Variants in MRTFB observed in about 807,000 individuals in gnomAD.
MRTFB encodes the protein myocardin related transcription factor B, also known as myocardin-related transcription factor B.
MRTFB carries 29 observed loss-of-function variants against 104.2 expected under a neutral mutation model. That is an observed-to-expected ratio of 0.28 (90% confidence interval 0.21 to 0.38). The LOEUF is 0.38. Among genes scored for constraint, MRTFB ranks in the 10% least tolerant of loss-of-function variants. MRTFB has a pLI of 1.00. For synonymous variants in MRTFB, 535 were observed against 519.5 expected, an observed-to-expected ratio of 1.03 and a Z score of -0.41; for missense variants, 1,270 against 1,341.6, an observed-to-expected ratio of 0.95 and a Z score of 0.83.
At chr16:14,058,126 A>C in the MRTFB span, among the ~76,000 whole-genome samples, 1 of 152,150 alleles carries the variant, frequency 6.6e-6, no homozygotes, top group African/African-American at 2.4e-5. Context: ...GCAGGCACCA[A>C]CTTCCTGGGG....
At chr16:14,242,280 G>T (rs1424663519) in intron 10 of MRTFB, among the ~76,000 whole-genome samples, 2 of 152,050 alleles carry the variant, frequency 1.3e-5, no homozygotes, top group African/African-American at 4.8e-5. Context: ...CCAGTTCTTT[G>T]TCTTTCCATT....
chr16:14,218,645 C>G (rs773646139), intron 7 of MRTFB, among the ~76,000 whole-genome samples, 175 bp from the exon 8 acceptor site: 2 of 152,072 alleles, frequency 1.3e-5, no homozygotes, highest in Non-Finnish European at 2.9e-5. Flanking sequence ...TTCTTTTTCA[C>G]TCAAGAATAC....
At position 14,255,210 on chromosome 16, in the gene MRTFB, G is replaced by C. The variant is rs371149236; in HGVS notation, c.2703+2708G>C. The stretch of plus-strand genomic sequence containing the variant: ...AGGTAGAAGAGAAGTCCCAGAAGAA[G>C]AGAGAAAGAACTGAAGAGGCAAATA... On this transcript the variant is annotated intron_variant, in intron 15 of 16. Coordinates refer to ENST00000571589, the MANE Select transcript of MRTFB (RefSeq NM_001308142.2). Among the ~76,000 whole-genome samples the C allele has an allele frequency of 7.9e-5, 12 of 152,308 alleles. No individual in the cohort carries two copies. The East Asian group carries it at 2.3e-3, about 29-fold the overall frequency.
intron 3 of MRTFB, among the ~76,000 whole-genome samples, chr16:14,199,537 C>T (rs143195034): frequency 2.0e-3 from 302 of 152,330 alleles, no homozygotes; most frequent in South Asian, 5.0e-3. Context: ...CATTCCTTAT[C>T]TCAGTAAATG....
chr16:14,111,133 C>T (rs2036246939), intron 2 of MRTFB, among the ~76,000 whole-genome samples: 1 of 152,060 alleles, frequency 6.6e-6, no homozygotes, highest in African/African-American at 2.4e-5. Flanking sequence ...ATACCTTAGC[C>T]TATAAATTTA....
intron 2 of MRTFB, among the ~76,000 whole-genome samples, chr16:14,099,369 GTT>G (rs1027224790): frequency 1.4e-5 from 2 of 144,172 alleles, no homozygotes; most frequent in Admixed American, 6.8e-5. Context: ...AATTACGTGG[GTT>G]TTTTTGGTGG....
At chr16:14,165,580 C>T (rs910910113) in intron 3 of MRTFB, among the ~76,000 whole-genome samples, 26 of 152,292 alleles carry the variant, frequency 1.7e-4, no homozygotes, top group African/African-American at 5.3e-4. Context: ...ACATTATTCT[C>T]TCTTGGGACT....
intron 1 of MRTFB, among the ~76,000 whole-genome samples, chr16:14,073,215 T>C (rs1307364708): frequency 1.3e-5 from 2 of 152,212 alleles, no homozygotes; most frequent in East Asian, 1.9e-4. Flanking sequence ...AATCTGCCCG[T>C]TCATTTGAAA....
chr16:14,246,870 A>G lies in MRTFB; in HGVS notation c.1610A>G (p.Gln537Arg), dbSNP rs917777686. 1.9e-6 allele frequency: 3 copies of G among 1,613,408 alleles called. No homozygotes were observed. Among genetic ancestry groups the G allele is most frequent in the South Asian group, 1.1e-5 (1 of 91,062 alleles). The change falls in exon 12 of 17, where the codon CAG (glutamine) becomes CGG (arginine). Residue 537 changes from glutamine (Q) to arginine (R), a missense_variant. Gln to Arg is a conservative substitution (Grantham distance 43). Coordinates refer to ENST00000571589, the MANE Select transcript of MRTFB (RefSeq NM_001308142.2). ...ATTATGACCATGATGTCGCCTTCAC[A>G]GTTCTTGAGTTCATCTCCTTTGAGA... Reference protein sequence around the residue: ...TEIMTMMSPSQFLSSSPLRMT... With the variant: ...TEIMTMMSPSRFLSSSPLRMT...
rs9930001 is a variant in MRTFB, at chr16:14,091,675, G to T, written c.-64+12321G>T. 9.9e-4 allele frequency among the ~76,000 whole-genome samples: 151 copies of T among 152,122 alleles called. 1 individual carries two copies. Among genetic ancestry groups the T allele is most frequent in the Non-Finnish European group, 6.6e-4 (45 of 68,002 alleles). ...ATGGGTTGGACCCAGAGATCGAAAC[G>T]ATCTGAGAATAAGGGAAAGGTCAAG... On this transcript the variant is annotated intron_variant, in intron 2 of 16. Coordinates refer to ENST00000571589, the MANE Select transcript of MRTFB (RefSeq NM_001308142.2).
intron 2 of MRTFB, among the ~76,000 whole-genome samples, chr16:14,089,160 T>C (rs1440905610): frequency 6.6e-6 from 1 of 152,222 alleles, no homozygotes; most frequent in African/African-American, 2.4e-5. Context: ...TATTGAGATA[T>C]AATTCATATA....
At chr16:14,052,248 A>G in the MRTFB span, among the ~76,000 whole-genome samples, 1 of 152,094 alleles carries the variant, frequency 6.6e-6, no homozygotes. Flanking sequence ...GGTATAGACA[A>G]GGATTGAGGA....
intron 6 of MRTFB, 31 bp from the exon 7 acceptor site, chr16:14,217,095 G>A: frequency 6.4e-7 from 1 of 1,573,602 alleles, no homozygotes; most frequent in Non-Finnish European, 8.6e-7. Context: ...AGTAATTCGA[G>A]TAATGGTTAA....
At chr16:14,034,939 A>T in the MRTFB span, among the ~76,000 whole-genome samples, 2 of 152,030 alleles carry the variant, frequency 1.3e-5, no homozygotes, top group Non-Finnish European at 2.9e-5. Context: ...CCGGGCCCCT[A>T]TCTCCTCTAC....
chr16:14,003,790 C>T, the MRTFB span, among the ~76,000 whole-genome samples: 1 of 152,124 alleles, frequency 6.6e-6, no homozygotes, highest in Non-Finnish European at 1.5e-5. Context: ...CCAAACACTG[C>T]ATTTCATGAG....
chr16:14,212,458 C>T lies in MRTFB; in HGVS notation c.276+49C>T, dbSNP rs376962372. ...TTCTACTTCTCTCTCCTTCTCTCCTCTCTTCTAAAATACCTGTGTACAAGT... is the reference window on the plus strand; with the variant it reads ...TTCTACTTCTCTCTCCTTCTCTCCTTTCTTCTAAAATACCTGTGTACAAGT... On this transcript the variant is annotated intron_variant, in intron 5 of 16. Coordinates refer to ENST00000571589, the MANE Select transcript of MRTFB (RefSeq NM_001308142.2). The T allele has an allele frequency of 2.2e-4, 336 of 1,553,264 alleles. 1 individual carries two copies. Among genetic ancestry groups the T allele is most frequent in the Non-Finnish European group, 2.9e-4 (331 of 1,125,372 alleles).
At chr16:14,003,647 TCCCTCCCTC>T in the MRTFB span, among the ~76,000 whole-genome samples, 1 of 28,130 alleles carries the variant, frequency 3.6e-5, no homozygotes, top group Non-Finnish European at 9.6e-5. Flanking sequence ...CCTGCCTCCC[TCCCTCCCTC>T]CCTCCCTCCC....
chr16:14,105,402 AT>A (rs141253931), intron 2 of MRTFB, among the ~76,000 whole-genome samples: 14,184 of 146,492 alleles, frequency 0.097, 842 homozygotes, highest in East Asian at 0.29. Context: ...TTCTCTTATG[AT>A]TTTTTTTTTT....
At chr16:14,255,513 CAG>C (rs2043440354) in intron 15 of MRTFB, among the ~76,000 whole-genome samples, 1 of 152,112 alleles carries the variant, frequency 6.6e-6, no homozygotes, top group African/African-American at 2.4e-5. Context: ...ATTGTCAACC[CAG>C]AATTCTATTA....
Sources: allele counts gnomAD v4.1 joint callset (sites outside exome capture counted in the v4.1 genomes callset), GRCh38; gene constraint gnomAD v4.1.1; transcripts MANE v1.5; gene names NCBI Gene and HGNC (gene_info 2026-07-23, HGNC 2026-07-21).